The following MAP2 variants were observed in gnomAD, a reference collection of about 807,000 sequenced individuals.
The protein encoded by MAP2 is microtubule-associated protein 2.
In MAP2, 14 loss-of-function variants were observed where a neutral mutation model predicts 137.6. The ratio of observed to expected loss-of-function variants is 0.10; its 90% CI spans 0.07 to 0.16. The LOEUF is 0.16. Ranked by LOEUF, MAP2 falls within the 10% of genes least tolerant of loss-of-function variation. The pLI is 1.00. For missense variants in MAP2, 2,088 were observed against 2,191.5 expected (o/e 0.95, Z 0.94); for synonymous variants, 786 against 782.3 (o/e 1.00, Z -0.08).
rs146187844 is a variant in MAP2 at position 209,654,632 on chromosome 2, C to G, written c.262+1200C>G. Among the ~76,000 whole-genome samples, 1,395 of 152,126 alleles carry G rather than the reference C, an allele frequency of 9.2e-3. 17 individuals carry two copies. Among genetic ancestry groups the G allele is most frequent in the South Asian group, 0.014 (66 of 4,818 alleles). On this transcript the variant is annotated intron_variant, in intron 5 of 15. Coordinates refer to ENST00000682079, the MANE Select transcript of MAP2 (RefSeq NM_001375505.1). ...TTGATCAAGTAATATTTTTCTATAG[C>G]TGAGTATACACAACTTTAACAGGGT...
rs138842898 is a variant in MAP2, at chr2:209,642,012, C to T, written c.-29-11130C>T. Among the ~76,000 whole-genome samples, 612 of 152,170 alleles carry T rather than the reference C, an allele frequency of 4.0e-3. 6 individuals carry two copies. Among genetic ancestry groups the T allele is most frequent in the African/African-American group, 0.014 (573 of 41,520 alleles). On this transcript the variant is annotated intron_variant, in intron 4 of 15. Transcript: ENST00000682079. Reference sequence around the variant, plus strand: ...CTTTGTGAAACAGCAAGCAATGGAACGGATGTTGGGATTTGACTTCTCCTT... The same window carrying T: ...CTTTGTGAAACAGCAAGCAATGGAATGGATGTTGGGATTTGACTTCTCCTT...
chr2:209,704,059 A>T lies in MAP2; in HGVS notation c.4585-1521A>T, dbSNP rs192565210. On this transcript the variant is annotated intron_variant, in intron 11 of 15. Coordinates refer to ENST00000682079, the MANE Select transcript of MAP2 (RefSeq NM_001375505.1). ...GGTTTGAGCTTATATTGATTCCATC[A>T]TCCAAATAGTGAACATAGTTCCCAA... The T allele has an allele frequency of 2.4e-5, 11 of 454,572 alleles. No individual in the cohort carries two copies. The East Asian group carries it at 7.6e-4, about 32-fold the overall frequency. The allele number at this position is 454,572 out of a possible 1,614,324, so 28.2% of individuals were successfully genotyped here.
chr2:209,669,879 T>A (rs2048055757), intron 5 of MAP2, among the ~76,000 whole-genome samples: 1 of 151,934 alleles, frequency 6.6e-6, no homozygotes, highest in Non-Finnish European at 1.5e-5. Context: ...TAGGGGTGGA[T>A]TTATTCAAGG....
intron 2 of MAP2, 47 bp from the exon 3 acceptor site, chr2:209,579,989 A>G (rs947455128): frequency 1.2e-4 from 7 of 57,752 alleles, no homozygotes; most frequent in African/African-American, 3.8e-4. Context: ...TTAGTTAACA[A>G]ATCCATATAT....
intron 4 of MAP2, among the ~76,000 whole-genome samples, chr2:209,631,929 A>C (rs1270686938): frequency 6.6e-6 from 1 of 152,162 alleles, no homozygotes; most frequent in Non-Finnish European, 1.5e-5. Context: ...AAAAGGGGTA[A>C]ATTGAAATAG....
At chr2:209,671,417 A>G (rs1198348317) in intron 5 of MAP2, among the ~76,000 whole-genome samples, 2 of 151,928 alleles carry the variant, frequency 1.3e-5, no homozygotes, top group Non-Finnish European at 2.9e-5. Context: ...TTATGAATTC[A>G]TCTAGGGTCT....
At position 209,696,610 on chromosome 2, in the gene MAP2, G is replaced by A; in HGVS notation, c.4249G>A (p.Ala1417Thr). 1 of 1,613,886 alleles carries A rather than the reference G, an allele frequency of 6.2e-7. No homozygotes were observed. Among genetic ancestry groups the A allele is most frequent in the South Asian group, 1.1e-5 (1 of 91,066 alleles). Reference protein sequence around the residue: ...IPKEEKAEKEARRSSLEKHRK... With the variant: ...IPKEEKAEKETRRSSLEKHRK... ...TAAAGAGGAGAAAGCTGAAAAGGAA[G>A]CTCGGAGATCATCTCTTGAGAAACA... Residue 1417 changes from alanine (A) to threonine (T), a missense_variant, in exon 9 of 16, where the codon GCT becomes ACT. Ala to Thr is a moderately conservative substitution (Grantham distance 58, BLOSUM62 0). Coordinates refer to ENST00000682079, the MANE Select transcript of MAP2 (RefSeq NM_001375505.1).
At chr2:209,669,913 A>G (rs1324637207) in intron 5 of MAP2, among the ~76,000 whole-genome samples, 1 of 151,766 alleles carries the variant, frequency 6.6e-6, no homozygotes, top group Admixed American at 6.6e-5. Flanking sequence ...TTGATATTTT[A>G]TTTTCCCACT....
intron 11 of MAP2, 128 bp downstream of exon 11, chr2:209,700,466 C>G: frequency 1.4e-6 from 1 of 706,552 alleles, no homozygotes; most frequent in Non-Finnish European, 2.3e-6. Flanking sequence ...TTCGCTCACC[C>G]AGAAGATTCT....
chr2:209,715,505 T>C (rs1029019924), intron 13 of MAP2, among the ~76,000 whole-genome samples: 6 of 151,188 alleles, frequency 4.0e-5, no homozygotes, highest in Non-Finnish European at 8.8e-5. Flanking sequence ...GGAGGAAAGG[T>C]GAGCAAAAAA....
chr2:209,569,350 T>C (rs1169800818), intron 2 of MAP2, among the ~76,000 whole-genome samples: 1 of 151,820 alleles, frequency 6.6e-6, no homozygotes, highest in Non-Finnish European at 1.5e-5. Flanking sequence ...GAATGAATAT[T>C]TATTGAATAT....
At position 209,694,732 on chromosome 2, in the gene MAP2, C is replaced by T. The variant is rs773215835; in HGVS notation, c.2562C>T (p.Asn854=). ...GCTTGCCCCCGGTAACTGATGAAAA[C>T]CATGTCATTGTAAAAACGGACAGTC... ...RTGLPPVTDE[N]HVIVKTDSQL... Residue 854 remains asparagine, a synonymous_variant, in exon 8 of 16, where the codon AAC becomes AAT. Coordinates refer to ENST00000682079, the MANE Select transcript of MAP2 (RefSeq NM_001375505.1). The T allele has an allele frequency of 6.2e-7, 1 of 1,614,114 alleles. No homozygotes were observed. Among genetic ancestry groups the T allele is most frequent in the Admixed American group, 1.7e-5 (1 of 60,010 alleles).
At chr2:209,463,704 C>A (rs562051058) in intron 1 of MAP2, among the ~76,000 whole-genome samples, 2 of 152,068 alleles carry the variant, frequency 1.3e-5, no homozygotes, top group African/African-American at 4.8e-5. Flanking sequence ...AAGGGTAAAA[C>A]CTGAGTTATA....
At chr2:209,520,200 C>G (rs942086563) in intron 2 of MAP2, among the ~76,000 whole-genome samples, 9 of 151,882 alleles carry the variant, frequency 5.9e-5, no homozygotes, top group Non-Finnish European at 1.0e-4. Flanking sequence ...TAGGTTGCAC[C>G]CAGAGTGAGC....
intron 1 of MAP2, among the ~76,000 whole-genome samples, chr2:209,495,197 G>A (rs1353514028): frequency 1.3e-5 from 2 of 152,212 alleles, no homozygotes; most frequent in Non-Finnish European, 2.9e-5. Flanking sequence ...AGGGGCTTGT[G>A]GATAAAACTC....
Position 209,432,332 on chromosome 2 carries a change from GGTT to G in MAP2, c.-222+8069_-222+8071del, listed in dbSNP as rs757114664. Among the ~76,000 whole-genome samples the G allele has an allele frequency of 7.9e-5, 12 of 152,070 alleles. No homozygotes were observed. In the South Asian group the frequency reaches 1.7e-3, roughly 21 times the overall value. ...CTGCCTACAGTGCTCTATCCCTCTT[GGTT>G]GTTGTTGTTGTTTTGCTTTTTCCAA... On this transcript the variant is annotated intron_variant, in intron 1 of 15. Coordinates refer to ENST00000682079, the MANE Select transcript of MAP2 (RefSeq NM_001375505.1).
intron 11 of MAP2, among the ~76,000 whole-genome samples, chr2:209,703,745 G>A (rs1164404487): frequency 6.6e-6 from 1 of 151,854 alleles, no homozygotes; most frequent in African/African-American, 2.4e-5. Flanking sequence ...TCATATCTAA[G>A]CAATATTACT....
chr2:209,583,147 G>GTCTGTCTATCTATCTA (rs372013614), intron 3 of MAP2, among the ~76,000 whole-genome samples: 2,875 of 147,204 alleles, frequency 0.02, 65 homozygotes, highest in African/African-American at 0.055. Flanking sequence ...CTGTCTGTCT[G>GTCTGTCTATCTATCTA]TCTATCTATC....
chr2:209,712,613 A>G (rs537157719), intron 13 of MAP2, among the ~76,000 whole-genome samples: 17 of 152,262 alleles, frequency 1.1e-4, no homozygotes, highest in African/African-American at 4.1e-4. Context: ...GGGTAAAATG[A>G]ATTGGGAAAT....
Sources: allele counts gnomAD v4.1 joint callset (sites outside exome capture counted in the v4.1 genomes callset), GRCh38; gene constraint gnomAD v4.1.1; transcripts MANE v1.5; gene names NCBI Gene and HGNC (gene_info 2026-07-23, HGNC 2026-07-21).